ABHD18: variants seen among roughly 807,000 people sequenced by gnomAD.
The protein encoded by ABHD18 is abhydrolase domain containing 18, also known as cardiolipin-specific deacylase, mitochondrial.
A neutral mutation model predicts 65.9 loss-of-function variants in ABHD18; 55 were observed. That is an observed-to-expected ratio of 0.84 (90% CI 0.67 to 1.05). The LOEUF is 1.05. ABHD18 is among the 50% of genes least tolerant of loss of function. The pLI, the probability that ABHD18 is intolerant of heterozygous loss-of-function variation, is 0.00. For missense variants in ABHD18, 533 were observed against 558.5 expected, an observed-to-expected ratio of 0.95 and a Z score of 0.46; for synonymous variants, 181 against 180.2, an observed-to-expected ratio of 1.00 and a Z score of -0.04.
At position 128,011,294 on chromosome 4, in the gene ABHD18, G is replaced by A. The variant is rs890871745; in HGVS notation, c.443-379G>A. Among the ~76,000 whole-genome samples the A allele has an allele frequency of 6.6e-5, 10 of 151,684 alleles. No individual in the cohort carries two copies. The East Asian group carries it at 1.2e-3, about 18-fold the overall frequency. On this transcript the variant is annotated intron_variant, in intron 6 of 12. Transcript: ENST00000645843. ...CTCCCGCGTAGCTGACACTACAGGC[G>A]CCCGCCACCTCGCCCAGCTAATTTT...
intron 10 of ABHD18, among the ~76,000 whole-genome samples, chr4:128,026,396 T>C (rs1429055011): frequency 6.6e-6 from 1 of 152,002 alleles, no homozygotes; most frequent in Non-Finnish European, 1.5e-5. Flanking sequence ...AAGGGTGAAG[T>C]TGCAGTGAGC....
intron 7 of ABHD18, among the ~76,000 whole-genome samples, chr4:128,013,417 T>C (rs1201142502): frequency 6.6e-6 from 1 of 151,982 alleles, no homozygotes; most frequent in African/African-American, 2.4e-5. Flanking sequence ...TCAAAAGTTC[T>C]GGGCCGGGCG....
intron 1 of ABHD18, among the ~76,000 whole-genome samples, chr4:127,968,231 C>A (rs969433956): frequency 1.9e-4 from 29 of 152,244 alleles, no homozygotes; most frequent in African/African-American, 7.0e-4. Context: ...AAACAAACAT[C>A]CTATTTTCTT....
chr4:127,966,703 A>ACAC (rs1491157498), intron 1 of ABHD18, among the ~76,000 whole-genome samples: 2 of 25,924 alleles, frequency 7.7e-5, no homozygotes, highest in African/African-American at 2.4e-4. Flanking sequence ...CTAAAAATAC[A>ACAC]AAAAAAAAAA....
intron 3 of ABHD18, among the ~76,000 whole-genome samples, chr4:127,986,055 T>C (rs541258384): frequency 2.0e-5 from 3 of 152,228 alleles, no homozygotes; most frequent in African/African-American, 7.2e-5. Flanking sequence ...TTTTACAATA[T>C]ACAATTGAAT....
intron 4 of ABHD18, among the ~76,000 whole-genome samples, chr4:128,004,911 A>AAAAAC (rs537214939): frequency 4.6e-5 from 7 of 150,786 alleles, no homozygotes; most frequent in Non-Finnish European, 7.4e-5. Context: ...CTCCGTCTCA[A>AAAAAC]AAAACAAAAC....
chr4:127,978,850 A>G (rs1044204764), intron 1 of ABHD18, among the ~76,000 whole-genome samples: 1 of 152,232 alleles, frequency 6.6e-6, no homozygotes, highest in Non-Finnish European at 1.5e-5. Context: ...CACTGTAAAT[A>G]GAAAATATTG....
intron 4 of ABHD18, among the ~76,000 whole-genome samples, chr4:128,007,885 A>G (rs1429871177): frequency 1.3e-5 from 2 of 152,204 alleles, no homozygotes; most frequent in Non-Finnish European, 2.9e-5. Context: ...AAAAAAGACA[A>G]CATAAACTCT....
At chr4:127,968,151 A>C (rs563725791) in intron 1 of ABHD18, among the ~76,000 whole-genome samples, 1 of 152,358 alleles carries the variant, frequency 6.6e-6, no homozygotes, top group South Asian at 2.1e-4. Flanking sequence ...CGGAGCTTGT[A>C]GTGAGCCGAG....
intron 7 of ABHD18, among the ~76,000 whole-genome samples, chr4:128,014,653 T>C (rs551682082): frequency 3.3e-5 from 5 of 152,284 alleles, no homozygotes; most frequent in Non-Finnish European, 7.4e-5. Flanking sequence ...ACTGACTGGG[T>C]GCAGTGGCTT....
At position 128,039,171 on chromosome 4, in the gene ABHD18, AT is replaced by A. The variant is rs1382593780; in HGVS notation, c.*3359del. The A allele has an allele frequency of 5.8e-5, 8 of 138,636 alleles. 1 individual carries two copies. In the South Asian group the frequency reaches 6.5e-4, roughly 11 times the overall value. The allele number at this position is 138,636 out of a possible 1,614,324, so 8.6% of individuals were successfully genotyped here. On this transcript the variant is annotated 3_prime_UTR_variant, in exon 13 of 13. Coordinates refer to ENST00000645843, the MANE Select transcript of ABHD18 (RefSeq NM_001358451.3). ...TATATATATATATATATATATATAT[AT>A]ATATATATATATAATCTCAAAGAAG...
intron 4 of ABHD18, among the ~76,000 whole-genome samples, chr4:128,003,115 TC>T (rs1001979910): frequency 1.3e-5 from 2 of 151,864 alleles, no homozygotes; most frequent in African/African-American, 4.8e-5. Flanking sequence ...ACACCTGTAA[TC>T]CCAGCACTTT....
At chr4:128,025,583 A>T (rs1757221266) in intron 10 of ABHD18, among the ~76,000 whole-genome samples, 2 of 152,224 alleles carry the variant, frequency 1.3e-5, no homozygotes, top group Non-Finnish European at 2.9e-5. Flanking sequence ...TTTGCTATTA[A>T]TAAACAGTGC....
At chr4:128,032,160 T>G (rs1052129571) in intron 12 of ABHD18, among the ~76,000 whole-genome samples, 1 of 152,180 alleles carries the variant, frequency 6.6e-6, no homozygotes, top group African/African-American at 2.4e-5. Flanking sequence ...TTGAGAGAGA[T>G]AAATGTTAAC....
At chr4:128,029,275 C>T (rs1757851797) in intron 11 of ABHD18, among the ~76,000 whole-genome samples, 1 of 152,094 alleles carries the variant, frequency 6.6e-6, no homozygotes, top group Admixed American at 6.6e-5. Context: ...GGAAGGATCG[C>T]TTCAGCCCAA....
At chr4:128,023,089 T>C in intron 10 of ABHD18, among the ~76,000 whole-genome samples, 1 of 151,986 alleles carries the variant, frequency 6.6e-6, no homozygotes, top group Non-Finnish European at 1.5e-5. Flanking sequence ...TGAATTTAAA[T>C]TTTTTACTGT....
At position 128,037,639 on chromosome 4, in the gene ABHD18, G is replaced by T. The variant is rs1359240043; in HGVS notation, c.*1826G>T. 1.3e-5 allele frequency: 2 copies of T among 151,924 alleles called. No homozygotes were observed. The highest frequency in any genetic ancestry group is 2.9e-5 in the Non-Finnish European group (2 of 67,994). 9.4% of individuals were successfully genotyped at this position (151,924 alleles called of 1,614,324 possible). A position where few individuals can be genotyped will look rare whatever the true frequency, so the allele number is the denominator to read the frequency against. ...AGGTTTGAGCCACCACACCCGACCT[G>T]ACATTTTATTTTTATTTTTTTAATT... On this transcript the variant is annotated 3_prime_UTR_variant, in exon 13 of 13. Coordinates refer to ENST00000645843, the MANE Select transcript of ABHD18 (RefSeq NM_001358451.3).
intron 3 of ABHD18, among the ~76,000 whole-genome samples, chr4:127,989,237 C>T (rs77390662): frequency 2.6e-5 from 4 of 151,940 alleles, no homozygotes; most frequent in African/African-American, 7.3e-5. Flanking sequence ...AAATTGAACT[C>T]ATGAAGAATA....
At chr4:128,033,524 C>CTT (rs869099600) in intron 12 of ABHD18, among the ~76,000 whole-genome samples, 83 of 108,628 alleles carry the variant, frequency 7.6e-4, no homozygotes, top group Non-Finnish European at 1.1e-3. Context: ...CAAAGATAGT[C>CTT]TTTTTTTTTT....
Sources: gnomAD v4.1 joint callset for allele counts (sites outside exome capture counted in the v4.1 genomes callset) on GRCh38, gnomAD v4.1.1 for gene constraint, MANE v1.5 for transcripts, NCBI Gene and HGNC (gene_info 2026-07-23, HGNC 2026-07-21) for gene names.